The following ASTN2 variants were observed in gnomAD, a reference collection of about 807,000 sequenced individuals.
The protein encoded by ASTN2 is astrotactin 2, also known as astrotactin-2.
A neutral mutation model predicts 139.8 loss-of-function variants in ASTN2; 54 were observed. The ratio of observed to expected loss-of-function variants is 0.39; its 90% confidence interval spans 0.31 to 0.48. ASTN2 has a LOEUF of 0.48. Among genes scored for constraint, ASTN2 ranks in the 20% least tolerant of loss-of-function variants. The probability of loss-of-function intolerance (pLI) is 0.95; values close to 1 mark genes in which losing one functional copy is unlikely to be tolerated. For synonymous variants in ASTN2, 756 were observed against 719.5 expected (o/e 1.05, Z -0.81); for missense variants, 1,565 against 1,725.1 (o/e 0.91, Z 1.64).
At chr9:116,721,091 G>A (rs983504396) in intron 16 of ASTN2, among the ~76,000 whole-genome samples, 1 of 152,216 alleles carries the variant, frequency 6.6e-6, no homozygotes, top group Non-Finnish European at 1.5e-5. Flanking sequence ...GCATGGGTTG[G>A]ATCAAGATAA....
At chr9:116,847,021 AAAAAACAAAAAAC>A (rs1479452932) in intron 11 of ASTN2, among the ~76,000 whole-genome samples, 59 of 113,314 alleles carry the variant, frequency 5.2e-4, no homozygotes, top group Non-Finnish European at 6.8e-4. Flanking sequence ...AAAAAAAAAA[AAAAAACAAAAAAC>A]AAAAAACAAA....
chr9:117,315,918 G>C (rs755939671), intron 1 of ASTN2, among the ~76,000 whole-genome samples: 19 of 152,146 alleles, frequency 1.2e-4, no homozygotes, highest in Non-Finnish European at 2.4e-4. Flanking sequence ...ACAAAATTGT[G>C]GGCAGATGGT....
intron 10 of ASTN2, among the ~76,000 whole-genome samples, chr9:116,928,480 C>T (rs1588418471): frequency 6.6e-6 from 1 of 152,266 alleles, no homozygotes; most frequent in East Asian, 1.9e-4. Context: ...ACAGCTGTTC[C>T]TCCCCTAACC....
intron 16 of ASTN2, among the ~76,000 whole-genome samples, chr9:116,672,660 C>T (rs1859267790): frequency 6.6e-6 from 1 of 152,192 alleles, no homozygotes; most frequent in South Asian, 2.1e-4. Context: ...TAGATGACTA[C>T]TATTATCCCC....
At chr9:117,175,297 T>C (rs893063521) in intron 3 of ASTN2, among the ~76,000 whole-genome samples, 2 of 152,150 alleles carry the variant, frequency 1.3e-5, no homozygotes, top group Admixed American at 6.6e-5. Context: ...ACTCTATTCA[T>C]AGCCATACAA....
At chr9:116,853,071 T>C (rs1275715086) in intron 11 of ASTN2, among the ~76,000 whole-genome samples, 1 of 152,188 alleles carries the variant, frequency 6.6e-6, no homozygotes, top group Non-Finnish European at 1.5e-5. Context: ...AAATTACATA[T>C]ATAAATTCTT....
At chr9:116,768,749 T>C (rs1206397069) in intron 13 of ASTN2, among the ~76,000 whole-genome samples, 3 of 152,192 alleles carry the variant, frequency 2.0e-5, no homozygotes, top group Non-Finnish European at 4.4e-5. Flanking sequence ...AGCTAGAAAG[T>C]GGGCTCTCAA....
chr9:117,359,955 C>T (rs1203211029), intron 1 of ASTN2, among the ~76,000 whole-genome samples: 2 of 152,120 alleles, frequency 1.3e-5, no homozygotes, highest in Non-Finnish European at 2.9e-5. Context: ...CGGTGAACAT[C>T]GGCTTTTCTC....
intron 5 of ASTN2, among the ~76,000 whole-genome samples, chr9:117,064,621 G>T (rs1486061552): frequency 6.6e-6 from 1 of 152,158 alleles, no homozygotes; most frequent in Non-Finnish European, 1.5e-5. Flanking sequence ...TGGACATATA[G>T]AGTGGAATAA....
chr9:116,928,490 C>G (rs1245304772), intron 10 of ASTN2, among the ~76,000 whole-genome samples: 1 of 152,138 alleles, frequency 6.6e-6, no homozygotes, highest in African/African-American at 2.4e-5. Context: ...CTCCCCTAAC[C>G]TTGTATGTAC....
At chr9:116,971,283 G>A (rs1416807252) in intron 10 of ASTN2, among the ~76,000 whole-genome samples, 5 of 152,220 alleles carry the variant, frequency 3.3e-5, no homozygotes, top group Non-Finnish European at 1.5e-5. Context: ...AATGGGAGCT[G>A]TCCAGGGGAG....
At chr9:117,067,721 A>G (rs952797340) in intron 5 of ASTN2, among the ~76,000 whole-genome samples, 4 of 110,104 alleles carry the variant, frequency 3.6e-5, no homozygotes, top group African/African-American at 1.3e-4. Flanking sequence ...GAGGTCCTTC[A>G]CATCCCTTGT....
chr9:117,025,656 A>T (rs1838047587), intron 6 of ASTN2, among the ~76,000 whole-genome samples: 1 of 152,148 alleles, frequency 6.6e-6, no homozygotes, highest in Non-Finnish European at 1.5e-5. Flanking sequence ...CCAGTGATTC[A>T]AACCTTCAGG....
intron 16 of ASTN2, among the ~76,000 whole-genome samples, chr9:116,706,760 A>ATTTTTTTTTTT: frequency 1.1e-5 from 1 of 88,056 alleles, no homozygotes. Context: ...GCTGGCTAGA[A>ATTTTTTTTTTT]TTTTTTTTTT....
chr9:117,060,381 A>G (rs868464811), intron 5 of ASTN2, among the ~76,000 whole-genome samples: 13 of 75,818 alleles, frequency 1.7e-4, no homozygotes, highest in East Asian at 2.9e-4. Context: ...AAAGAAAGAA[A>G]GAAAGAAAGA....
chr9:116,428,880 T>C (rs935692587), intron 22 of ASTN2, among the ~76,000 whole-genome samples: 3 of 152,318 alleles, frequency 2.0e-5, no homozygotes, highest in Non-Finnish European at 4.4e-5. Flanking sequence ...AACAGACACA[T>C]AATAAACTGT....
intron 1 of ASTN2, among the ~76,000 whole-genome samples, chr9:117,327,090 C>A (rs1041762795): frequency 1.3e-5 from 2 of 152,132 alleles, no homozygotes; most frequent in African/African-American, 2.4e-5. Context: ...AGCATGCAAC[C>A]TAGAACCCTC....
At chr9:116,679,111 G>T (rs1376343973) in intron 16 of ASTN2, among the ~76,000 whole-genome samples, 6 of 152,042 alleles carry the variant, frequency 3.9e-5, no homozygotes, top group Admixed American at 2.6e-4. Context: ...TCAGAGTAAA[G>T]GTTTTTCTTT....
intron 1 of ASTN2, among the ~76,000 whole-genome samples, chr9:117,294,469 G>T (rs1834679047): frequency 6.6e-6 from 1 of 152,220 alleles, no homozygotes; most frequent in Non-Finnish European, 1.5e-5. Context: ...GAAGCAGAAG[G>T]CCTCGATCAT....
Sources: gnomAD v4.1 joint callset for allele counts (sites outside exome capture counted in the v4.1 genomes callset) on GRCh38, gnomAD v4.1.1 for gene constraint, MANE v1.5 for transcripts, NCBI Gene and HGNC (gene_info 2026-07-23, HGNC 2026-07-21) for gene names.